PTPRG: variants seen among roughly 807,000 people sequenced by gnomAD.
PTPRG encodes protein tyrosine phosphatase receptor type G, also known as receptor-type tyrosine-protein phosphatase gamma.
A neutral mutation model predicts 165.3 loss-of-function variants in PTPRG; 102 were observed. The observed-to-expected ratio is 0.62, with a 90% CI of 0.53 to 0.73. The LOEUF is 0.73. PTPRG is among the 30% of genes least tolerant of loss of function. The pLI, the probability that PTPRG is intolerant of heterozygous loss-of-function variation, is 0.00. For missense variants in PTPRG, 1,866 were observed against 1,861.4 expected, an observed-to-expected ratio of 1.00 and a Z score of -0.05; for synonymous variants, 675 against 669.5, an observed-to-expected ratio of 1.01 and a Z score of -0.13.
At chr3:61,820,759 G>C (rs1310357058) in intron 2 of PTPRG, among the ~76,000 whole-genome samples, 1 of 152,030 alleles carries the variant, frequency 6.6e-6, no homozygotes, top group Non-Finnish European at 1.5e-5. Flanking sequence ...GTAACAGCTA[G>C]CTATAGCATT....
intron 2 of PTPRG, among the ~76,000 whole-genome samples, chr3:61,941,291 A>C (rs181381147): frequency 1.2e-4 from 18 of 152,336 alleles, no homozygotes; most frequent in African/African-American, 4.3e-4. Context: ...ATGATTCTCT[A>C]TCAGGGATAA....
chr3:62,243,926 A>T (rs754858569), intron 15 of PTPRG, 28 bp downstream of exon 15: 1 of 1,287,136 alleles, frequency 7.8e-7, no homozygotes, highest in Non-Finnish European at 1.1e-6. Context: ...CTTATTTCCA[A>T]TGGGCTAATT....
intron 7 of PTPRG, among the ~76,000 whole-genome samples, chr3:62,161,169 C>T (rs939474849): frequency 6.6e-6 from 1 of 152,098 alleles, no homozygotes; most frequent in African/African-American, 2.4e-5. Flanking sequence ...AATGCTTAGA[C>T]TAGAATATGT....
At chr3:61,578,805 C>A (rs1700221036) in intron 1 of PTPRG, among the ~76,000 whole-genome samples, 1 of 152,184 alleles carries the variant, frequency 6.6e-6, no homozygotes, top group South Asian at 2.1e-4. Flanking sequence ...GCTGGGAAAA[C>A]CCCATCCCTG....
At chr3:61,878,546 T>C (rs534064938) in intron 2 of PTPRG, among the ~76,000 whole-genome samples, 1 of 152,194 alleles carries the variant, frequency 6.6e-6, no homozygotes, top group Non-Finnish European at 1.5e-5. Flanking sequence ...CAGGTTGCAG[T>C]GTAGTGGCAG....
At chr3:61,880,505 A>C (rs1470735988) in intron 2 of PTPRG, among the ~76,000 whole-genome samples, 3 of 151,804 alleles carry the variant, frequency 2.0e-5, no homozygotes, top group Non-Finnish European at 4.4e-5. Flanking sequence ...CTGTGGTCCC[A>C]GCTACTTGTT....
At chr3:61,758,049 C>T (rs2106952886) in intron 2 of PTPRG, among the ~76,000 whole-genome samples, 1 of 152,256 alleles carries the variant, frequency 6.6e-6, no homozygotes, top group South Asian at 2.1e-4. Flanking sequence ...ATAAAGCCCA[C>T]CCACTTCTTT....
intron 6 of PTPRG, among the ~76,000 whole-genome samples, chr3:62,141,900 A>T (rs1314422338): frequency 6.6e-6 from 1 of 151,566 alleles, no homozygotes; most frequent in Non-Finnish European, 1.5e-5. Flanking sequence ...AACTGTCTCA[A>T]AAAAAAAGAA....
intron 5 of PTPRG, among the ~76,000 whole-genome samples, chr3:62,106,695 G>A (rs1388261451): frequency 2.0e-5 from 3 of 152,050 alleles, no homozygotes; most frequent in Non-Finnish European, 4.4e-5. Context: ...TAGAGATGGG[G>A]TTTCACCAAG....
At chr3:61,835,275 C>T (rs2107308947) in intron 2 of PTPRG, among the ~76,000 whole-genome samples, 1 of 152,226 alleles carries the variant, frequency 6.6e-6, no homozygotes, top group East Asian at 1.9e-4. Flanking sequence ...GTCAGCCCTT[C>T]CTGACTCTAC....
intron 5 of PTPRG, among the ~76,000 whole-genome samples, chr3:62,080,820 T>G (rs891934502): frequency 1.3e-5 from 2 of 152,072 alleles, no homozygotes; most frequent in Non-Finnish European, 2.9e-5. Flanking sequence ...GAAATCTAGG[T>G]TTTGAATTTT....
chr3:62,058,247 C>A (rs570878407), intron 4 of PTPRG, among the ~76,000 whole-genome samples: 1 of 152,282 alleles, frequency 6.6e-6, no homozygotes, highest in Non-Finnish European at 1.5e-5. Context: ...CTAACCTCAC[C>A]TTAATAATCT....
At chr3:61,812,392 G>A (rs596873) in intron 2 of PTPRG, among the ~76,000 whole-genome samples, 62,272 of 151,930 alleles carry the variant, frequency 0.41, 14,304 homozygotes, top group East Asian at 0.63. Context: ...TCTTTTGTAT[G>A]TAATAATCTT....
intron 2 of PTPRG, among the ~76,000 whole-genome samples, chr3:61,934,642 AC>A (rs1255626937): frequency 6.6e-6 from 1 of 152,108 alleles, no homozygotes; most frequent in Non-Finnish European, 1.5e-5. Context: ...GCTGGAAGGT[AC>A]AAAGTATAGA....
intron 1 of PTPRG, among the ~76,000 whole-genome samples, chr3:61,673,962 A>G (rs1703124497): frequency 6.6e-6 from 1 of 151,148 alleles, no homozygotes; most frequent in South Asian, 2.1e-4. Flanking sequence ...GCTTGTTGTC[A>G]TAAGTGGGAG....
chr3:62,257,694 C>G (rs976860282), intron 16 of PTPRG, among the ~76,000 whole-genome samples: 1 of 152,170 alleles, frequency 6.6e-6, no homozygotes, highest in East Asian at 1.9e-4. Context: ...GTGGCTCACA[C>G]CTGTAATCCC....
chr3:61,881,214 T>C (rs1303837735), intron 2 of PTPRG, among the ~76,000 whole-genome samples: 1 of 152,198 alleles, frequency 6.6e-6, no homozygotes, highest in African/African-American at 2.4e-5. Flanking sequence ...TCCCGATAGA[T>C]TGTAAGTCTG....
In PTPRG at chr3:61,639,070, A is replaced by G. The variant is rs1455253880; in HGVS notation, c.85+76698A>G. 4.6e-5 allele frequency among the ~76,000 whole-genome samples: 7 copies of G among 152,260 alleles called. No homozygotes were observed. The East Asian group carries it at 1.3e-3, about 29-fold the overall frequency. ...GATCTTACATTTAAATCTTTAATCC[A>G]TCTTAATTTTCATATGTGGTGAAAG... On this transcript the variant is annotated intron_variant, in intron 1 of 29. Transcript: ENST00000474889.
At chr3:62,176,855 G>A (rs1411422205) in intron 8 of PTPRG, among the ~76,000 whole-genome samples, 2 of 152,182 alleles carry the variant, frequency 1.3e-5, no homozygotes, top group African/African-American at 4.8e-5. Context: ...ATAAGGCAGT[G>A]TTAGAATACA....
Sources: allele counts gnomAD v4.1 joint callset (sites outside exome capture counted in the v4.1 genomes callset), GRCh38; gene constraint gnomAD v4.1.1; transcripts MANE v1.5; gene names NCBI Gene and HGNC (gene_info 2026-07-23, HGNC 2026-07-21).